The following ACTA2 variants were observed in gnomAD, a reference collection of about 807,000 sequenced individuals.
ACTA2 encodes actin, aortic smooth muscle.
A neutral mutation model predicts 39.5 loss-of-function variants in ACTA2; 12 were observed. That is an observed-to-expected ratio of 0.30 (90% CI 0.19 to 0.49). The LOEUF is 0.49. Ranked by LOEUF, ACTA2 falls within the 20% of genes least tolerant of loss-of-function variation. ACTA2 has a pLI of 0.99. For missense variants in ACTA2, 236 were observed against 498.8 expected, an observed-to-expected ratio of 0.47 and a Z score of 5.02; for synonymous variants, 158 against 180.6, an observed-to-expected ratio of 0.88 and a Z score of 1.00.
At chr10:88,956,427 C>T (rs1846139897), upstream of ACTA2, among the ~76,000 whole-genome samples, 3 of 152,208 alleles carry the variant, frequency 2.0e-5, no homozygotes, top group South Asian at 6.2e-4. Context: ...TCCTGTCTCC[C>T]TCTTAGAAGG....
chr10:88,987,108 A>G (rs1417910892), intron 1 of ACTA2, among the ~76,000 whole-genome samples: 1 of 152,222 alleles, frequency 6.6e-6, no homozygotes, highest in Non-Finnish European at 1.5e-5. Flanking sequence ...AATAATTATT[A>G]ATAGACTTTG....
intron 1 of ACTA2, among the ~76,000 whole-genome samples, chr10:88,985,659 C>A (rs1846859561): frequency 6.6e-6 from 1 of 152,212 alleles, no homozygotes; most frequent in African/African-American, 2.4e-5. Context: ...CACCCCCATC[C>A]CACTCCCTGG....
chr10:88,936,518 G>A (rs926154319), intron 8 of ACTA2, among the ~76,000 whole-genome samples: 1 of 152,016 alleles, frequency 6.6e-6, no homozygotes, highest in African/African-American at 2.4e-5. Flanking sequence ...CTCTTCTTCC[G>A]AGTTCACATG....
At chr10:88,991,001 G>T (rs1200837137) in exon 1 of ACTA2, 4 of 1,564,564 alleles carry the variant, frequency 2.6e-6, no homozygotes, top group East Asian at 2.3e-5. Context: ...GGATTGCGGC[G>T]GCAGCGGCGC....
At chr10:88,979,024 G>A (rs1174872386) in intron 1 of ACTA2, among the ~76,000 whole-genome samples, 1 of 151,892 alleles carries the variant, frequency 6.6e-6, no homozygotes, top group Admixed American at 6.6e-5. Flanking sequence ...AGTTTATTCT[G>A]TTAATATTTG....
In ACTA2 at chr10:88,939,296, G is replaced by A. The variant is rs893786046; in HGVS notation, c.808+211C>T. The A allele has an allele frequency of 1.9e-5, 12 of 623,316 alleles. No homozygotes were observed. In the East Asian group the frequency reaches 2.3e-4, roughly 12 times the overall value. 38.6% of individuals were successfully genotyped at this position (623,316 alleles called of 1,614,324 possible). On this transcript the variant is annotated intron_variant, in intron 7 of 8. Coordinates refer to ENST00000224784, the MANE Select transcript of ACTA2 (RefSeq NM_001613.4). ...CACCATGAATGCTTTGGGCTTAACT[G>A]CAACATAGATAGTGTTTTCTTAGGA...
chr10:88,955,124 T>C (rs1846117231), upstream of ACTA2, among the ~76,000 whole-genome samples: 1 of 151,382 alleles, frequency 6.6e-6, no homozygotes, highest in Admixed American at 6.6e-5. Context: ...CTAAAGAACA[T>C]ATCCAACAAT....
chr10:88,991,163 A>T, exon 1 of ACTA2: 1 of 591,012 alleles, frequency 1.7e-6, no homozygotes. Flanking sequence ...CCCGCTGGGC[A>T]GGCGGGGCAG....
chr10:88,959,768 A>G (rs1362667990), intron 1 of ACTA2, among the ~76,000 whole-genome samples: 2 of 152,160 alleles, frequency 1.3e-5, no homozygotes, highest in Non-Finnish European at 2.9e-5. Context: ...GCTGCATTTA[A>G]GTCAAGTCTC....
chr10:88,937,544 T>A (rs977675525), intron 8 of ACTA2, among the ~76,000 whole-genome samples: 1 of 152,188 alleles, frequency 6.6e-6, no homozygotes, highest in African/African-American at 2.4e-5. Flanking sequence ...AGTCATTCTG[T>A]GCTTTTGAGC....
intron 1 of ACTA2, among the ~76,000 whole-genome samples, chr10:88,963,508 C>T (rs1036672140): frequency 3.4e-5 from 5 of 149,040 alleles, no homozygotes; most frequent in African/African-American, 1.2e-4. Flanking sequence ...TTAGTCAAGA[C>T]ATTTTTTGTC....
chr10:88,973,435 C>A, intron 1 of ACTA2: 1 of 1,118,384 alleles, frequency 8.9e-7, no homozygotes, highest in Non-Finnish European at 1.2e-6. Context: ...GCCATTATCT[C>A]TGCCTTTCCT....
At chr10:88,963,151 A>G (rs888106111) in intron 1 of ACTA2, among the ~76,000 whole-genome samples, 3 of 151,510 alleles carry the variant, frequency 2.0e-5, no homozygotes, top group African/African-American at 7.2e-5. Flanking sequence ...TATGGGAGCT[A>G]CAATTCAAGA....
intron 8 of ACTA2, among the ~76,000 whole-genome samples, chr10:88,936,379 A>G (rs1189582480): frequency 6.6e-6 from 1 of 152,162 alleles, no homozygotes; most frequent in Non-Finnish European, 1.5e-5. Context: ...TATAGTTTGG[A>G]TATCTCCTCC....
chr10:88,936,728 C>T (rs183478602), intron 8 of ACTA2, among the ~76,000 whole-genome samples: 172 of 152,278 alleles, frequency 1.1e-3, no homozygotes, highest in South Asian at 2.5e-3. Flanking sequence ...CCAGTTAAAC[C>T]TCTTTTCTTT....
chr10:88,951,699 G>A (rs1359237995), intron 1 of ACTA2, among the ~76,000 whole-genome samples: 1 of 152,114 alleles, frequency 6.6e-6, no homozygotes, highest in Non-Finnish European at 1.5e-5. Context: ...TCTGCTTTTG[G>A]AACTGCACCC....
chr10:88,956,619 T>C (rs1048670769), upstream of ACTA2, among the ~76,000 whole-genome samples: 4 of 152,206 alleles, frequency 2.6e-5, no homozygotes, highest in African/African-American at 7.2e-5. Flanking sequence ...TTATCCCGCC[T>C]ATTACATACC....
At chr10:88,972,163 T>C (rs188042252) in intron 1 of ACTA2, among the ~76,000 whole-genome samples, 549 of 152,286 alleles carry the variant, frequency 3.6e-3, no homozygotes, top group African/African-American at 0.013. Context: ...CGCCTCAGCC[T>C]CCCAAAGTGC....
intron 1 of ACTA2, among the ~76,000 whole-genome samples, chr10:88,979,205 G>T (rs567549613): frequency 6.6e-6 from 1 of 152,008 alleles, no homozygotes; most frequent in Non-Finnish European, 1.5e-5. Flanking sequence ...GTGTATGAGC[G>T]TAGGGATCTG....
Sources: gnomAD v4.1 joint callset for allele counts (sites outside exome capture counted in the v4.1 genomes callset) on GRCh38, gnomAD v4.1.1 for gene constraint, MANE v1.5 for transcripts, NCBI Gene and HGNC (gene_info 2026-07-23, HGNC 2026-07-21) for gene names.